The following DUOX1 variants were observed in gnomAD, a reference collection of about 807,000 sequenced individuals.
The protein encoded by DUOX1 is dual oxidase 1, also known as NADPH thyroid oxidase 1.
DUOX1 carries 134 observed loss-of-function variants against 181.8 expected under a neutral mutation model. The ratio of observed to expected loss-of-function variants is 0.74; its 90% CI spans 0.64 to 0.85. The LOEUF is 0.85. Ranked by LOEUF, DUOX1 falls within the 40% of genes least tolerant of loss-of-function variation. DUOX1 has a pLI of 0.00. For synonymous variants in DUOX1, 798 were observed against 832.5 expected (o/e 0.96, Z 0.71); for missense variants, 1,814 against 2,064.4 (o/e 0.88, Z 2.35).
chr15:45,155,724 A>AG, intron 27 of DUOX1, 78 bp from the exon 28 acceptor site: 1 of 1,599,420 alleles, frequency 6.3e-7, no homozygotes. Context: ...TGGAGTGGAG[A>AG]GGGGACCTTG....
chr15:45,148,261 C>G lies in DUOX1; in HGVS notation c.2643-11C>G. ...AGTCAGGGCCGGATGGTTCCTCTCC[C>G]CCAACCCCAGATCCTTCATCGAGAT... On this transcript the variant is annotated splice_polypyrimidine_tract_variant and intron_variant, in intron 20 of 33. Transcript: ENST00000389037. The G allele has an allele frequency of 6.2e-7, 1 of 1,613,972 alleles. No homozygotes were observed. Among genetic ancestry groups the G allele is most frequent in the Middle Eastern group, 1.7e-4 (1 of 5,878 alleles).
At chr15:45,151,505 C>T (rs1896801545) in intron 23 of DUOX1, among the ~76,000 whole-genome samples, 1 of 152,152 alleles carries the variant, frequency 6.6e-6, no homozygotes, top group African/African-American at 2.4e-5. Flanking sequence ...CCAGGGAGGT[C>T]AGAGATGCCT....
intron 12 of DUOX1, chr15:45,140,314 T>G: frequency 3.7e-6 from 1 of 266,908 alleles, no homozygotes; most frequent in Non-Finnish European, 7.5e-6. Context: ...CTCGTAAACT[T>G]TATAAAATCA....
rs915945630 is a variant in DUOX1 at position 45,136,005 on chromosome 15, T to C, written c.864+57T>C. ...TTCCGCGTGCAAGCCCACGGGAGAC[T>C]CCGCTGCCCCATGGAGCTCCCCATC... On this transcript the variant is annotated intron_variant, in intron 7 of 33. Coordinates refer to ENST00000389037, the MANE Select transcript of DUOX1 (RefSeq NM_175940.3). 2.1e-5 allele frequency: 15 copies of C among 726,812 alleles called. No individual in the cohort carries two copies. In the African/African-American group the frequency reaches 2.5e-4, roughly 12 times the overall value. 45.0% of individuals were successfully genotyped at this position (726,812 alleles called of 1,614,324 possible). A position where few individuals can be genotyped will look rare whatever the true frequency, so the allele number is the denominator to read the frequency against.
intron 17 of DUOX1, 96 bp from the exon 18 acceptor site, chr15:45,144,799 G>C: frequency 7.5e-7 from 1 of 1,341,104 alleles, no homozygotes. Context: ...CCTTTTTCAA[G>C]GCCACCCCAG....
At chr15:45,151,041 T>G (rs549450848) in intron 22 of DUOX1, 82 bp from the exon 23 acceptor site, 4 of 1,569,480 alleles carry the variant, frequency 2.5e-6, no homozygotes, top group Non-Finnish European at 3.5e-6. Context: ...CTCAGCAGAA[T>G]GGGTTTGGAG....
chr15:45,141,975 G>A lies in DUOX1; in HGVS notation c.1685G>A (p.Gly562Glu). Residue 562 changes from glycine to glutamate, a missense_variant and splice_region_variant, in exon 15 of 34, where the codon GGA (glycine) becomes GAA (glutamate). By Grantham distance (98) the Gly-to-Glu change is moderately conservative (BLOSUM62 -2). Coordinates refer to ENST00000389037, the MANE Select transcript of DUOX1 (RefSeq NM_175940.3). ...LQPNVFVWHK[G>E]DPCPQPRQLS... Reference sequence around the variant, plus strand: ...ACGCTGGCTTCCTCTGCCTTCCCAGGAGACCCCTGTCCGCAGCCGAGACAG... The same window carrying A: ...ACGCTGGCTTCCTCTGCCTTCCCAGAAGACCCCTGTCCGCAGCCGAGACAG... 2.5e-6 allele frequency: 4 copies of A among 1,609,586 alleles called. No individual in the cohort carries two copies. The highest frequency in any genetic ancestry group is 3.4e-6 in the Non-Finnish European group (4 of 1,178,160).
rs1896048161 is a variant in DUOX1 at position 45,130,036 on chromosome 15, C to G, written c.-112C>G. The G allele has an allele frequency of 6.6e-6, 1 of 152,298 alleles. No homozygotes were observed. The highest frequency in any genetic ancestry group is 2.1e-4 in the South Asian group (1 of 4,832). 9.4% of individuals were successfully genotyped at this position (152,298 alleles called of 1,614,324 possible). On this transcript the variant is annotated 5_prime_UTR_variant, in exon 1 of 34. Transcript: ENST00000389037. ...CCGGACGAGAGAGGGCTCCGCGGGC[C>G]CAGCTGGCAGCCAGGCCGGAGACAA...
At position 45,164,885 on chromosome 15, in the gene DUOX1, A is replaced by T. The variant is rs1162224523; in HGVS notation, c.4640A>T (p.His1547Leu). 1 of 1,614,070 alleles carries T rather than the reference A, an allele frequency of 6.2e-7. No homozygotes were observed. Among genetic ancestry groups the T allele is most frequent in the East Asian group, 2.2e-5 (1 of 44,876 alleles). ...NRQDRTHFSHHYENF is the reference protein window; with the variant it reads ...NRQDRTHFSHLYENF ...CAGGACCGGACTCACTTCTCCCACC[A>T]TTATGAGAACTTCTAGGCCCCTGCC... Residue 1547 changes from histidine to leucine, a missense_variant, in exon 34 of 34, where the codon CAT (histidine) becomes CTT (leucine). By Grantham distance (99) the His-to-Leu change is moderately conservative (BLOSUM62 -3). Coordinates refer to ENST00000389037, the MANE Select transcript of DUOX1 (RefSeq NM_175940.3).
rs376423937 is a variant in DUOX1 at position 45,144,211 on chromosome 15, C to T, written c.2112C>T (p.Leu704=). ...ACCGTGGACGCCGCACTCTGCTGCT[C>T]AAGATCCCCAAGGAGTATGACCTGG... is the stretch of plus-strand genomic sequence containing the variant. ...SSNRGRRTLL[L]KIPKEYDLVL... The change falls in exon 17 of 34, where the codon CTC becomes CTT. Residue 704 remains leucine, a synonymous_variant. Transcript: ENST00000389037. The T allele has an allele frequency of 1.4e-5, 22 of 1,613,924 alleles. No homozygotes were observed. The highest frequency in any genetic ancestry group is 1.9e-5 in the Non-Finnish European group (22 of 1,180,052).
At chr15:45,148,636 A>G (rs995532305) in intron 21 of DUOX1, 189 bp downstream of exon 21, 9 of 410,700 alleles carry the variant, frequency 2.2e-5, no homozygotes, top group African/African-American at 1.9e-4. Flanking sequence ...TAATTATACA[A>G]TATAATTTTA....
In DUOX1 at chr15:45,139,043, C is replaced by T. The variant is rs766006529; in HGVS notation, c.1114-23C>T. The stretch of plus-strand genomic sequence containing the variant: ...TGACCCCATTAACCACACCCCTTTC[C>T]TCCCCACCCCCAACCTATAAAGCAC... On this transcript the variant is annotated intron_variant, in intron 10 of 33. Transcript: ENST00000389037. 7.5e-6 allele frequency: 12 copies of T among 1,607,502 alleles called. No homozygotes were observed. The Admixed American group carries it at 1.0e-4, about 13-fold the overall frequency.
chr15:45,145,918 T>TA (rs10713694), intron 18 of DUOX1, among the ~76,000 whole-genome samples: 8,729 of 145,616 alleles, frequency 0.06, 835 homozygotes, highest in African/African-American at 0.21. Context: ...CCATCTCAGT[T>TA]AAAAAAAAAA....
chr15:45,153,655 C>G (rs1896888893), intron 26 of DUOX1, 176 bp downstream of exon 26: 1 of 726,394 alleles, frequency 1.4e-6, no homozygotes, highest in African/African-American at 1.7e-5. Flanking sequence ...CCCCTAATGC[C>G]AAGTCAGCAG....
chr15:45,151,202 A>G lies in DUOX1; in HGVS notation c.2968A>G (p.Met990Val), dbSNP rs1398327560. ...GACACCTCAGAGACTGCAGTGCCCC[A>G]TGGACACAGACCCTCCCCAGGAGAT... ...ELTPQRLQCP[M>V]DTDPPQEIRR... The change falls in exon 23 of 34, where the codon ATG becomes GTG. Residue 990 changes from methionine to valine, a missense_variant. This residue lies in a region of DUOX1 where 1,064 missense variants were observed against 1,152.9 expected (regional missense o/e 0.92). Transcript: ENST00000389037. 2 of 1,614,058 alleles carry G rather than the reference A, an allele frequency of 1.2e-6. No individual in the cohort carries two copies. Among genetic ancestry groups the G allele is most frequent in the East Asian group, 2.2e-5 (1 of 44,900 alleles).
At chr15:45,148,083 G>A (rs1896702028) in intron 20 of DUOX1, 86 bp downstream of exon 20, 1 of 1,438,232 alleles carries the variant, frequency 7.0e-7, no homozygotes, top group Non-Finnish European at 9.8e-7. Context: ...GAGCAGAAGG[G>A]CCAAGGAAGG....
At chr15:45,155,650 T>C (rs1406084716) in intron 27 of DUOX1, 152 bp from the exon 28 acceptor site, 2 of 941,066 alleles carry the variant, frequency 2.1e-6, no homozygotes, top group East Asian at 4.9e-5. Context: ...GTACCTGTGA[T>C]CAGTGGTGTT....
chr15:45,138,870 G>A, intron 10 of DUOX1, 196 bp from the exon 11 acceptor site: 1 of 589,346 alleles, frequency 1.7e-6, no homozygotes, highest in Non-Finnish European at 3.0e-6. Context: ...CCTCTGTCAG[G>A]CAGCACTGAC....
chr15:45,141,559 C>T, intron 14 of DUOX1, 149 bp downstream of exon 14: 1 of 861,362 alleles, frequency 1.2e-6, no homozygotes. Context: ...CTCCAGGTGC[C>T]AGGGCCACCA....
Sources: allele counts gnomAD v4.1 joint callset (sites outside exome capture counted in the v4.1 genomes callset), GRCh38; gene constraint gnomAD v4.1.1; regional missense constraint gnomAD v4.1.1; transcripts MANE v1.5; gene names NCBI Gene and HGNC (gene_info 2026-07-23, HGNC 2026-07-21).